Variants in CCDC150 observed in about 807,000 individuals in gnomAD.
CCDC150 encodes coiled-coil domain-containing protein 150.
CCDC150 carries 151 observed loss-of-function variants against 156.5 expected under a neutral mutation model. The observed-to-expected ratio is 0.97, with a 90% CI of 0.85 to 1.10. The LOEUF (loss-of-function observed/expected upper bound fraction) is 1.10, where lower values mean the gene tolerates loss of function less well. Ranked by LOEUF, CCDC150 falls within the 50% of genes least tolerant of loss-of-function variation. The probability of loss-of-function intolerance (pLI) is 0.00; values close to 1 mark genes in which losing one functional copy is unlikely to be tolerated. For missense variants in CCDC150, 1,312 were observed against 1,268.1 expected (o/e 1.03, Z -0.53); for synonymous variants, 452 against 429.4 (o/e 1.05, Z -0.65).
chr2:196,648,144 G>A (rs1692651590), intron 2 of CCDC150, among the ~76,000 whole-genome samples: 2 of 152,106 alleles, frequency 1.3e-5, no homozygotes, highest in South Asian at 4.1e-4. Context: ...AATTCCTTGG[G>A]ATATGTACCC....
chr2:196,728,665 C>T (rs1698350740), intron 22 of CCDC150, among the ~76,000 whole-genome samples: 1 of 152,034 alleles, frequency 6.6e-6, no homozygotes, highest in African/African-American at 2.4e-5. Context: ...ATATAAACTG[C>T]CATATAATTC....
intron 7 of CCDC150, among the ~76,000 whole-genome samples, chr2:196,669,173 C>A (rs1694044597): frequency 6.6e-6 from 1 of 152,158 alleles, no homozygotes; most frequent in Non-Finnish European, 1.5e-5. Flanking sequence ...AGTTCTAGAC[C>A]AGTATCTTAC....
rs1422867283 is a variant in CCDC150, at chr2:196,676,729, G to T, written c.1438G>T (p.Glu480Ter). Residue 480 changes from glutamate (E) to a stop codon, truncating the protein, a stop_gained and splice_region_variant, in exon 12 of 28, where the codon GAG becomes TAG. Transcript: ENST00000389175. LOFTEE classifies it high-confidence loss of function. Reference protein sequence around the residue: ...LLEEKERFQREVNKTEKEIVQ... With the variant: ...LLEEKERFQR ...AGAGGAGAAAGAAAGATTTCAGAGG[G>T]AGGTAGGTAGAAGCAAATTTACATT... The T allele has an allele frequency of 6.2e-7, 1 of 1,609,062 alleles. No homozygotes were observed. The highest frequency in any genetic ancestry group is 8.5e-7 in the Non-Finnish European group (1 of 1,177,126).
At position 196,672,353 on chromosome 2, in the gene CCDC150, G is replaced by A; in HGVS notation, c.945G>A (p.Gln315=). 1 of 1,522,902 alleles carries A rather than the reference G, an allele frequency of 6.6e-7. No individual in the cohort carries two copies. The highest frequency in any genetic ancestry group is 8.8e-7 in the Non-Finnish European group (1 of 1,135,532). The allele number at this position is 1,522,902 out of a possible 1,614,324, so 94.3% of individuals were successfully genotyped here. ...AATTTTTTTTCTTATAGAACCTGCA[G>A]ATATCTTTCAACAAGGAACATGAAG... ...SKLVEENKNL[Q]ISFNKEHEEN... The change falls in exon 9 of 28, where the codon CAG becomes CAA. Residue 315 remains glutamine, a synonymous_variant. Transcript: ENST00000389175.
Position 196,668,251 on chromosome 2 carries a change from C to T in CCDC150, c.892+1403C>T, listed in dbSNP as rs145447408. On this transcript the variant is annotated intron_variant, in intron 7 of 27. Transcript: ENST00000389175. ...GGCTGAGGTTGCAGTGAGCCGAGATCGTGCCATTGCACTCCAGCCTGGGCG... is the reference window on the plus strand; with the variant it reads ...GGCTGAGGTTGCAGTGAGCCGAGATTGTGCCATTGCACTCCAGCCTGGGCG... Among the ~76,000 whole-genome samples the T allele has an allele frequency of 5.7e-4, 78 of 137,434 alleles. 2 individuals are homozygous for T. Among genetic ancestry groups the T allele is most frequent in the Admixed American group, 5.1e-3 (62 of 12,164 alleles). 90.2% of individuals were successfully genotyped at this position (137,434 alleles called of 152,430 possible).
chr2:196,721,470 T>C, intron 20 of CCDC150, 52 bp from the exon 21 acceptor site: 1 of 1,395,460 alleles, frequency 7.2e-7, no homozygotes, highest in Non-Finnish European at 9.7e-7. Flanking sequence ...TGTTATGGAC[T>C]TCTTGCATCT....
At chr2:196,710,517 C>T (rs1372417481) in intron 15 of CCDC150, among the ~76,000 whole-genome samples, 3 of 152,210 alleles carry the variant, frequency 2.0e-5, no homozygotes, top group South Asian at 2.1e-4. Context: ...ACCCACTGTC[C>T]AACCAGTCCC....
At chr2:196,732,001 GT>G in intron 26 of CCDC150, 31 bp from the exon 27 acceptor site, 1 of 1,595,818 alleles carries the variant, frequency 6.3e-7, no homozygotes. Context: ...CTCTTTCTTT[GT>G]GTCTTTTAAT....
intron 14 of CCDC150, 51 bp downstream of exon 14, chr2:196,695,210 G>C (rs1474876811): frequency 8.4e-6 from 8 of 949,894 alleles, no homozygotes; most frequent in Middle Eastern, 2.1e-4. Flanking sequence ...AATGAGTTCA[G>C]AAATAACAAC....
chr2:196,694,066 T>C (rs945629699), intron 13 of CCDC150, among the ~76,000 whole-genome samples: 2 of 149,544 alleles, frequency 1.3e-5, no homozygotes, highest in Admixed American at 1.3e-4. Context: ...TTTTTTTTTT[T>C]TTTTTTTGAG....
chr2:196,677,904 C>A (rs1255245896), intron 13 of CCDC150, among the ~76,000 whole-genome samples: 1 of 151,776 alleles, frequency 6.6e-6, no homozygotes, highest in Non-Finnish European at 1.5e-5. Flanking sequence ...GCAGGAGAAT[C>A]GCCTGAACCC....
chr2:196,723,459 G>T (rs905230729), intron 21 of CCDC150, among the ~76,000 whole-genome samples: 2 of 152,080 alleles, frequency 1.3e-5, no homozygotes, highest in Non-Finnish European at 2.9e-5. Context: ...GTGAGATCAG[G>T]CCACTGCACT....
At chr2:196,684,749 A>G (rs1695031193) in intron 13 of CCDC150, among the ~76,000 whole-genome samples, 1 of 152,154 alleles carries the variant, frequency 6.6e-6, no homozygotes, top group African/African-American at 2.4e-5. Context: ...ATATATATTT[A>G]TAAATGATAC....
intron 21 of CCDC150, among the ~76,000 whole-genome samples, chr2:196,723,515 G>T (rs1009621703): frequency 6.6e-6 from 1 of 152,018 alleles, no homozygotes; most frequent in East Asian, 1.9e-4. Flanking sequence ...AAAATAAAAA[G>T]ATAAACGCTA....
chr2:196,709,137 C>T (rs1029282620), intron 15 of CCDC150, among the ~76,000 whole-genome samples: 3 of 152,210 alleles, frequency 2.0e-5, no homozygotes, highest in South Asian at 4.1e-4. Context: ...CTTTCAGGTA[C>T]ACCAATCAAA....
intron 1 of CCDC150, among the ~76,000 whole-genome samples, chr2:196,645,790 A>G (rs897018807): frequency 3.9e-5 from 6 of 152,200 alleles, no homozygotes; most frequent in African/African-American, 1.4e-4. Flanking sequence ...TGCAGGATAC[A>G]TAGTTGGTAA....
rs538662123 is a variant in CCDC150 at position 196,680,641 on chromosome 2, A to G, written c.1509+3280A>G. Among the ~76,000 whole-genome samples, 21 of 152,234 alleles carry G rather than the reference A, an allele frequency of 1.4e-4. No homozygotes were observed. In the South Asian group the frequency reaches 4.3e-3, roughly 32 times the overall value. On this transcript the variant is annotated intron_variant, in intron 13 of 27. Coordinates refer to ENST00000389175, the MANE Select transcript of CCDC150 (RefSeq NM_001080539.2). ...TAAATTTCTCCATTGGTGGGCTTTC[A>G]GGTTGTTTCAACTTTTTGGGTATTA...
intron 15 of CCDC150, among the ~76,000 whole-genome samples, chr2:196,711,299 ATT>A (rs988508142): frequency 6.6e-6 from 1 of 152,204 alleles, no homozygotes; most frequent in African/African-American, 2.4e-5. Flanking sequence ...AACCATCCTG[ATT>A]TCTAACACCC....
chr2:196,642,212 G>C (rs992227782), intron 1 of CCDC150, among the ~76,000 whole-genome samples: 1 of 152,182 alleles, frequency 6.6e-6, no homozygotes. Flanking sequence ...ACACAACAAA[G>C]CACAGATATG....
Sources: allele counts gnomAD v4.1 joint callset (sites outside exome capture counted in the v4.1 genomes callset), GRCh38; gene constraint gnomAD v4.1.1; transcripts MANE v1.5; gene names NCBI Gene and HGNC (gene_info 2026-07-23, HGNC 2026-07-21).